Variants in DPP9 observed in about 807,000 individuals in gnomAD.
The protein encoded by DPP9 is dipeptidyl peptidase 9.
Under a neutral mutation model 110.7 loss-of-function variants are expected in DPP9, and 50 were observed. The ratio of observed to expected loss-of-function variants is 0.45; its 90% CI spans 0.36 to 0.57. DPP9 has a LOEUF of 0.57. Ranked by LOEUF, DPP9 falls within the 20% of genes least tolerant of loss-of-function variation. The probability of loss-of-function intolerance (pLI) is 0.00; values close to 1 mark genes in which losing one functional copy is unlikely to be tolerated. For missense variants in DPP9, 1,022 were observed against 1,217.9 expected (o/e 0.84, Z 2.39); for synonymous variants, 561 against 514.4 (o/e 1.09, Z -1.23).
At chr19:4,702,388 T>C (rs537066306) in intron 8 of DPP9, among the ~76,000 whole-genome samples, 1 of 152,316 alleles carries the variant, frequency 6.6e-6, no homozygotes, top group South Asian at 2.1e-4. Flanking sequence ...TGAACTGGCA[T>C]GGGAAGTGGC....
At chr19:4,713,286 C>A (rs2092918400) in intron 4 of DPP9, among the ~76,000 whole-genome samples, 2 of 152,362 alleles carry the variant, frequency 1.3e-5, no homozygotes, top group East Asian at 3.9e-4. Flanking sequence ...GTCCTTCCTC[C>A]CAGCTCTTAA....
chr19:4,706,233 T>C (rs1214724035), intron 4 of DPP9, among the ~76,000 whole-genome samples: 1 of 151,654 alleles, frequency 6.6e-6, no homozygotes, highest in Non-Finnish European at 1.5e-5. Flanking sequence ...ATGGTGGCTC[T>C]TGTTTGTAAT....
Position 4,695,290 on chromosome 19 carries a change from T to C in DPP9, c.1353+88A>G, listed in dbSNP as rs1053242749. On this transcript the variant is annotated intron_variant, in intron 12 of 21. Transcript: ENST00000262960. This position sits in a 1 kb window ranked among gnomAD's most constrained non-coding sequence, Gnocchi z 4.7. ...ACACAAGGGCAAACACCACCTGCCA[T>C]TGGCGCTCAGCCTTCTAGGACGTGG... The C allele has an allele frequency of 2.9e-6, 4 of 1,376,422 alleles. No homozygotes were observed. The highest frequency in any genetic ancestry group is 2.8e-5 in the Admixed American group (1 of 36,180). The allele number at this position is 1,376,422 out of a possible 1,614,324, so 85.3% of individuals were successfully genotyped here.
At position 4,676,576 on chromosome 19, in the gene DPP9, C is replaced by T; in HGVS notation, c.2667G>A (p.Gln889=). 6.2e-7 allele frequency: 1 copy of T among 1,602,432 alleles called. No homozygotes were observed. The highest frequency in any genetic ancestry group is 8.5e-7 in the Non-Finnish European group (1 of 1,174,838). Residue 889 remains glutamine, a synonymous_variant, in exon 22 of 22, where the codon CAG becomes CAA. Transcript: ENST00000262960. This position sits in a 1 kb window ranked among gnomAD's most constrained non-coding sequence, Gnocchi z 4.0. The part of the protein sequence containing the change: ...HYEVTLLHFL[Q]EYL ...CCGGTGGGCAGGCTCAGAGGTATTC[C>T]TGTAGAAAGTGCAGCAACGTGACTT...
chr19:4,714,119 T>A lies in DPP9; in HGVS notation c.275A>T (p.Asp92Val), dbSNP rs1288953909. The change falls in exon 4 of 22, where the codon GAT becomes GTT. Residue 92 changes from aspartate (D) to valine (V), a missense_variant. This residue lies in a region of DPP9 where 810 missense variants were observed against 920.6 expected (regional missense o/e 0.88). Transcript: ENST00000262960. Reference protein sequence around the residue: ...PHDFQFVQKTDESGPHSHRLY... With the variant: ...PHDFQFVQKTVESGPHSHRLY... The stretch of plus-strand genomic sequence containing the variant: ...GCGGTGGGAGTGGGGCCCAGACTCA[T>A]CCGTCTTCTGCACAAACTGGAAGTC... 2 of 1,613,362 alleles carry A rather than the reference T, an allele frequency of 1.2e-6. No homozygotes were observed. The highest frequency in any genetic ancestry group is 1.7e-6 in the Non-Finnish European group (2 of 1,179,678).
chr19:4,714,412 G>A lies in DPP9; in HGVS notation c.57-75C>T, dbSNP rs529853305. The A allele has an allele frequency of 8.2e-5, 118 of 1,433,244 alleles. No individual in the cohort carries two copies. The East Asian group carries it at 1.6e-3, about 19-fold the overall frequency. The allele number at this position is 1,433,244 out of a possible 1,614,324, so 88.8% of individuals were successfully genotyped here. A position where few individuals can be genotyped will look rare whatever the true frequency, so the allele number is the denominator to read the frequency against. On this transcript the variant is annotated intron_variant, in intron 3 of 21. Coordinates refer to ENST00000262960, the MANE Select transcript of DPP9 (RefSeq NM_139159.5). ...GAGCTGCCCCAATGCTGCCCCTTGC[G>A]AGGCACTCAGGTTCTTCCAGACGAG...
intron 20 of DPP9, among the ~76,000 whole-genome samples, chr19:4,681,271 G>A (rs1164954728): frequency 2.0e-5 from 3 of 152,156 alleles, no homozygotes; most frequent in African/African-American, 7.2e-5. Flanking sequence ...CAAATGCACC[G>A]AGGGCTGCTT....
rs991972961 is a variant in DPP9, at chr19:4,689,341, G to A, written c.1749+229C>T. The stretch of plus-strand genomic sequence containing the variant: ...GCGGCGGAGCCCCAGCTCAGCGGAC[G>A]GGCACTGGGGGGCTCCACCACTTAC... On this transcript the variant is annotated intron_variant, in intron 15 of 21. Coordinates refer to ENST00000262960, the MANE Select transcript of DPP9 (RefSeq NM_139159.5). The surrounding 1 kb of genome is among the most constrained non-coding windows in gnomAD (Gnocchi z 7.0). Among the ~76,000 whole-genome samples, 3 of 152,236 alleles carry A rather than the reference G, an allele frequency of 2.0e-5. No individual in the cohort carries two copies. The highest frequency in any genetic ancestry group is 2.9e-5 in the Non-Finnish European group (2 of 68,040).
At position 4,714,104 on chromosome 19, in the gene DPP9, T is replaced by C. The variant is rs761969748; in HGVS notation, c.290A>G (p.His97Arg). 2 of 1,610,064 alleles carry C rather than the reference T, an allele frequency of 1.2e-6. No individual in the cohort carries two copies. The highest frequency in any genetic ancestry group is 1.7e-6 in the Non-Finnish European group (2 of 1,177,698). ...FVQKTDESGP[H>R]SHRLYYLGMP... is the part of the protein sequence containing the mutation. The stretch of plus-strand genomic sequence containing the variant: ...ACCCAGGTAGTAGAGGCGGTGGGAG[T>C]GGGGCCCAGACTCATCCGTCTTCTG... The change falls in exon 4 of 22, where the codon CAC (histidine) becomes CGC (arginine). Residue 97 changes from histidine (H) to arginine (R), a missense_variant. Coordinates refer to ENST00000262960, the MANE Select transcript of DPP9 (RefSeq NM_139159.5).
At position 4,704,190 on chromosome 19, in the gene DPP9, G is replaced by A; in HGVS notation, c.541C>T (p.Leu181Phe). The change falls in exon 6 of 22, where the codon CTC becomes TTC. Residue 181 changes from leucine (L) to phenylalanine (F), a missense_variant. Around this residue, in one of 3 missense-constraint regions of DPP9, gnomAD observed 810 missense variants for 920.6 expected, o/e 0.88. Coordinates refer to ENST00000262960, the MANE Select transcript of DPP9 (RefSeq NM_139159.5). This position sits in a 1 kb window ranked among gnomAD's most constrained non-coding sequence, Gnocchi z 6.0. ...YDFHSESGLF[L>F]FQASNSLFHC... ...AAGAGGCTGTTGCTGGCCTGGAAGA[G>A]GAAGAGGCCACTCTCGCTGTGGAAG... 1 of 1,614,038 alleles carries A rather than the reference G, an allele frequency of 6.2e-7. No homozygotes were observed. The highest frequency in any genetic ancestry group is 8.5e-7 in the Non-Finnish European group (1 of 1,179,900).
intron 16 of DPP9, among the ~76,000 whole-genome samples, chr19:4,686,229 T>G (rs955180710): frequency 6.6e-6 from 1 of 151,982 alleles, no homozygotes; most frequent in Non-Finnish European, 1.5e-5. Context: ...GCTAGGATTA[T>G]AGGTGCACGG....
chr19:4,715,362 T>C lies in DPP9; in HGVS notation c.57-1025A>G, dbSNP rs1232406150. ...CTAATCAGATCTCAGCTGAAGTACT[T>C]GGCAGGCCGTCAGAAACCTTTCACA... On this transcript the variant is annotated intron_variant, in intron 3 of 21. Transcript: ENST00000262960. 2.0e-5 allele frequency among the ~76,000 whole-genome samples: 3 copies of C among 152,118 alleles called. No individual in the cohort carries two copies. The East Asian group carries it at 5.8e-4, about 29-fold the overall frequency.
At chr19:4,690,618 A>T (rs75894880) in intron 14 of DPP9, among the ~76,000 whole-genome samples, 3,387 of 152,330 alleles carry the variant, frequency 0.022, 102 homozygotes, top group East Asian at 0.13. Flanking sequence ...TGAAAGGATA[A>T]AGCACGTGAA....
Position 4,720,024 on chromosome 19 carries a change from C to T in DPP9, c.-35-83G>A. Reference sequence around the variant, plus strand: ...GCGCTCCTGCCCCCTTCGCCCCCTCCTCATTGCTCCAGGCAGCCCCCCAAG... The same window carrying T: ...GCGCTCCTGCCCCCTTCGCCCCCTCTTCATTGCTCCAGGCAGCCCCCCAAG... On this transcript the variant is annotated intron_variant, in intron 2 of 21. Transcript: ENST00000262960. 3 of 1,195,224 alleles carry T rather than the reference C, an allele frequency of 2.5e-6. No homozygotes were observed. The South Asian group carries it at 3.9e-5, about 16-fold the overall frequency. 74.0% of individuals were successfully genotyped at this position (1,195,224 alleles called of 1,614,324 possible).
rs2090925788 is a variant in DPP9, at chr19:4,687,832, C to T, written c.1885+925G>A. ...TTTTTTTTTGAGACGGAGTCTCGCT[C>T]TGTCGCCCAGGCTAAAGTACAGTGG... On this transcript the variant is annotated intron_variant, in intron 16 of 21. Transcript: ENST00000262960. This position sits in a 1 kb window ranked among gnomAD's most constrained non-coding sequence, Gnocchi z 4.7. Among the ~76,000 whole-genome samples, 1 of 152,130 alleles carries T rather than the reference C, an allele frequency of 6.6e-6. No individual in the cohort carries two copies. The highest frequency in any genetic ancestry group is 2.4e-5 in the African/African-American group (1 of 41,436).
At chr19:4,714,401 C>G in intron 3 of DPP9, 64 bp from the exon 4 acceptor site, 1 of 1,442,264 alleles carries the variant, frequency 6.9e-7, no homozygotes, top group Non-Finnish European at 9.1e-7. Context: ...TGCCCCAATG[C>G]TGCCCCTTGC....
At chr19:4,712,231 G>C (rs2092869801) in intron 4 of DPP9, among the ~76,000 whole-genome samples, 1 of 152,174 alleles carries the variant, frequency 6.6e-6, no homozygotes, top group Non-Finnish European at 1.5e-5. Context: ...ATTTCTCCCA[G>C]ACTAGAGTTG....
At chr19:4,708,853 T>G (rs1349075071) in intron 4 of DPP9, among the ~76,000 whole-genome samples, 1 of 152,112 alleles carries the variant, frequency 6.6e-6, no homozygotes, top group Non-Finnish European at 1.5e-5. Context: ...ATGAAATAAT[T>G]TATACAACAA....
Position 4,714,112 on chromosome 19 carries a change from A to G in DPP9, c.282T>C (p.Ser94=). The G allele has an allele frequency of 6.2e-7, 1 of 1,612,996 alleles. No individual in the cohort carries two copies. Among genetic ancestry groups the G allele is most frequent in the Non-Finnish European group, 8.5e-7 (1 of 1,179,422 alleles). ...AGTAGAGGCGGTGGGAGTGGGGCCC[A>G]GACTCATCCGTCTTCTGCACAAACT... ...DFQFVQKTDE[S]GPHSHRLYYL... The change falls in exon 4 of 22, where the codon TCT becomes TCC. Residue 94 remains serine (S), a synonymous_variant. Coordinates refer to ENST00000262960, the MANE Select transcript of DPP9 (RefSeq NM_139159.5).
Sources: allele counts gnomAD v4.1 joint callset (sites outside exome capture counted in the v4.1 genomes callset), GRCh38; gene constraint gnomAD v4.1.1; regional missense constraint gnomAD v4.1.1; non-coding constraint Gnocchi (gnomAD v3.1); transcripts MANE v1.5; gene names NCBI Gene and HGNC (gene_info 2026-07-23, HGNC 2026-07-21).